Variants in NXPE4 observed in about 807,000 individuals in gnomAD.
NXPE4 encodes the protein neurexophilin and PC-esterase domain family member 4.
In NXPE4, 42 loss-of-function variants were observed where a neutral mutation model predicts 33.3. That is an observed-to-expected ratio of 1.26 (90% CI 0.98 to 1.63). The LOEUF (loss-of-function observed/expected upper bound fraction) is 1.63, where lower values mean the gene tolerates loss of function less well. Ranked by LOEUF, NXPE4 falls within the 40% of genes most tolerant of loss-of-function variation. The pLI is 0.00. For synonymous variants in NXPE4, 253 were observed against 234.9 expected, an observed-to-expected ratio of 1.08 and a Z score of -0.71; for missense variants, 709 against 647.6, an observed-to-expected ratio of 1.09 and a Z score of -1.03.
chr11:114,632,462 C>A, the NXPE4 span, among the ~76,000 whole-genome samples: 1 of 124,816 alleles, frequency 8.0e-6, no homozygotes, highest in Non-Finnish European at 1.6e-5. Flanking sequence ...AAGAGTTATA[C>A]ATTATATATA....
At chr11:114,578,889 GT>G (rs1035727491) in intron 5 of NXPE4, among the ~76,000 whole-genome samples, 2 of 152,210 alleles carry the variant, frequency 1.3e-5, no homozygotes, top group African/African-American at 2.4e-5. Flanking sequence ...AATGGCTGTT[GT>G]TTTTTTGGGC....
the NXPE4 span, among the ~76,000 whole-genome samples, chr11:114,675,976 G>A: frequency 2.0e-5 from 3 of 151,834 alleles, no homozygotes; most frequent in Admixed American, 1.3e-4. Flanking sequence ...TTTGGACAAA[G>A]GTGCCAAAAG....
chr11:114,571,649 C>T (rs900201908), intron 5 of NXPE4, among the ~76,000 whole-genome samples, 176 bp from the exon 6 acceptor site: 6 of 152,190 alleles, frequency 3.9e-5, no homozygotes, highest in Admixed American at 1.3e-4. Flanking sequence ...AAAAGTGTTA[C>T]GTAGCATCTT....
chr11:114,595,387 C>A (rs1949557081), intron 1 of NXPE4, among the ~76,000 whole-genome samples: 1 of 152,122 alleles, frequency 6.6e-6, no homozygotes, highest in Non-Finnish European at 1.5e-5. Flanking sequence ...TCCAAGTTCT[C>A]TTTTAACTTG....
chr11:114,608,579 A>C, the NXPE4 span, among the ~76,000 whole-genome samples: 4 of 146,446 alleles, frequency 2.7e-5, no homozygotes, highest in Non-Finnish European at 6.0e-5. Flanking sequence ...ACTGATACCC[A>C]CTGGATAATA....
At chr11:114,665,308 AT>A in the NXPE4 span, among the ~76,000 whole-genome samples, 1 of 152,108 alleles carries the variant, frequency 6.6e-6, no homozygotes, top group African/African-American at 2.4e-5. Flanking sequence ...AATCTCTCTA[AT>A]TAGAATGTCG....
At chr11:114,624,250 G>A in the NXPE4 span, among the ~76,000 whole-genome samples, 1 of 145,898 alleles carries the variant, frequency 6.9e-6, no homozygotes, top group Non-Finnish European at 1.5e-5. Context: ...TAATCACTGT[G>A]ACCCGGTGGA....
Position 114,582,530 on chromosome 11 carries a change from G to A in NXPE4, c.588C>T (p.Asn196=). 6.2e-7 allele frequency: 1 copy of A among 1,614,152 alleles called. No individual in the cohort carries two copies. Among genetic ancestry groups the A allele is most frequent in the South Asian group, 1.1e-5 (1 of 91,088 alleles). ...TGAAGATCACCCTGTCATAGCCTTG[G>A]TTCCTTGCACTCCAGAGAGCTGACA... is the stretch of plus-strand genomic sequence containing the variant. ...EGVSALWSAR[N]QGYDRVIFTG... The change falls in exon 3 of 6, where the codon AAC becomes AAT. Residue 196 remains asparagine, a synonymous_variant. Transcript: ENST00000375478.
chr11:114,640,366 CTGTT>C, the NXPE4 span, among the ~76,000 whole-genome samples: 1 of 148,684 alleles, frequency 6.7e-6, no homozygotes, highest in Non-Finnish European at 1.5e-5. Context: ...ATATATGCTA[CTGTT>C]TCTTTATCCA....
At chr11:114,634,868 C>T in the NXPE4 span, among the ~76,000 whole-genome samples, 5 of 151,886 alleles carry the variant, frequency 3.3e-5, no homozygotes, top group Non-Finnish European at 7.4e-5. Flanking sequence ...TTACTGTAGC[C>T]GTGTAGTATA....
chr11:114,612,270 T>G, the NXPE4 span, among the ~76,000 whole-genome samples: 2 of 151,910 alleles, frequency 1.3e-5, no homozygotes, highest in African/African-American at 2.4e-5. Context: ...GCCTCTTCAG[T>G]AACCACTATT....
intron 2 of NXPE4, chr11:114,583,310 G>A: frequency 1.6e-6 from 1 of 629,738 alleles, no homozygotes; most frequent in South Asian, 1.6e-5. Context: ...TAGGGGTGTT[G>A]GAAATTACTA....
the NXPE4 span, among the ~76,000 whole-genome samples, chr11:114,618,442 A>C: frequency 6.6e-6 from 1 of 152,058 alleles, no homozygotes; most frequent in Non-Finnish European, 1.5e-5. Flanking sequence ...GGTGGATAGT[A>C]AGTATTGCCT....
chr11:114,660,444 G>GGCTTA, the NXPE4 span, among the ~76,000 whole-genome samples: 1 of 151,810 alleles, frequency 6.6e-6, no homozygotes, highest in African/African-American at 2.4e-5. Flanking sequence ...GGTAATAAAA[G>GGCTTA]CCTTGTTCAT....
At chr11:114,635,099 T>G in the NXPE4 span, among the ~76,000 whole-genome samples, 1 of 151,780 alleles carries the variant, frequency 6.6e-6, no homozygotes, top group Non-Finnish European at 1.5e-5. Flanking sequence ...CCCATGAGCA[T>G]GGAATGTTCT....
the NXPE4 span, among the ~76,000 whole-genome samples, chr11:114,672,749 C>T: frequency 6.6e-6 from 1 of 151,754 alleles, no homozygotes; most frequent in African/African-American, 2.4e-5. Flanking sequence ...GTCAATACAT[C>T]AGGGAGATAT....
the NXPE4 span, among the ~76,000 whole-genome samples, chr11:114,624,894 A>C: frequency 6.6e-6 from 1 of 152,062 alleles, no homozygotes; most frequent in Admixed American, 6.5e-5. Flanking sequence ...GTGGATAATA[A>C]GTGTGGCCTC....
the NXPE4 span, among the ~76,000 whole-genome samples, chr11:114,672,822 A>G: frequency 6.6e-6 from 1 of 151,880 alleles, no homozygotes; most frequent in African/African-American, 2.4e-5. Flanking sequence ...GAAAACCTAC[A>G]GAATTGAAAA....
chr11:114,665,971 G>A, the NXPE4 span, among the ~76,000 whole-genome samples: 1 of 152,062 alleles, frequency 6.6e-6, no homozygotes, highest in Non-Finnish European at 1.5e-5. Flanking sequence ...TGAGGTAGGG[G>A]GCAGGGTTAG....
Sources: gnomAD v4.1 joint callset for allele counts (sites outside exome capture counted in the v4.1 genomes callset) on GRCh38, gnomAD v4.1.1 for gene constraint, MANE v1.5 for transcripts, NCBI Gene and HGNC (gene_info 2026-07-23, HGNC 2026-07-21) for gene names.